ATRNL1: variants seen among roughly 807,000 people sequenced by gnomAD.
ATRNL1 encodes the protein attractin like 1.
ATRNL1 carries 95 observed loss-of-function variants against 182.7 expected under a neutral mutation model. That is an observed-to-expected ratio of 0.52 (90% confidence interval 0.44 to 0.62). ATRNL1 has a LOEUF of 0.62. ATRNL1 is among the 20% of genes least tolerant of loss of function. ATRNL1 has a pLI of 0.00. For missense variants in ATRNL1, 1,471 were observed against 1,679.5 expected (o/e 0.88, Z 2.17); for synonymous variants, 576 against 568.3 (o/e 1.01, Z -0.19).
chr10:115,509,746 A>G (rs1200826967), intron 24 of ATRNL1, among the ~76,000 whole-genome samples: 2 of 151,980 alleles, frequency 1.3e-5, no homozygotes, highest in African/African-American at 4.8e-5. Context: ...TACAATAACC[A>G]TTTGGCAGCC....
chr10:115,223,929 A>ATATATATTTTTTTTTTTT (rs1420143943), intron 9 of ATRNL1, among the ~76,000 whole-genome samples: 7 of 44,730 alleles, frequency 1.6e-4, no homozygotes, highest in African/African-American at 2.8e-4. Context: ...ATATATATAT[A>ATATATATTTTTTTTTTTT]TTTTTTTTTT....
intron 25 of ATRNL1, among the ~76,000 whole-genome samples, chr10:115,545,372 A>G (rs544607905): frequency 5.3e-5 from 8 of 152,222 alleles, no homozygotes; most frequent in African/African-American, 1.7e-4. Flanking sequence ...TATTTTAAAA[A>G]TATTTTCTTA....
At chr10:115,673,409 A>C (rs782270202) in intron 26 of ATRNL1, among the ~76,000 whole-genome samples, 1 of 152,086 alleles carries the variant, frequency 6.6e-6, no homozygotes, top group African/African-American at 2.4e-5. Flanking sequence ...AAGCAACTAC[A>C]GTAAGAGCTG....
At chr10:115,511,783 C>T (rs1295898335) in intron 24 of ATRNL1, among the ~76,000 whole-genome samples, 1 of 151,722 alleles carries the variant, frequency 6.6e-6, no homozygotes, top group East Asian at 1.9e-4. Context: ...AGATTTTGGA[C>T]ATGTTTTCAG....
intron 18 of ATRNL1, among the ~76,000 whole-genome samples, chr10:115,326,064 A>G (rs1224517901): frequency 6.6e-6 from 1 of 151,988 alleles, no homozygotes; most frequent in East Asian, 1.9e-4. Context: ...TAAATTTTCT[A>G]TGAAACAGTA....
At chr10:115,555,413 A>T (rs1468306112) in intron 26 of ATRNL1, among the ~76,000 whole-genome samples, 2 of 151,904 alleles carry the variant, frequency 1.3e-5, no homozygotes, top group Non-Finnish European at 2.9e-5. Flanking sequence ...AGACACTTAC[A>T]GAGAGATTTT....
chr10:115,476,425 A>G (rs967952133), intron 24 of ATRNL1, among the ~76,000 whole-genome samples: 18 of 151,314 alleles, frequency 1.2e-4, no homozygotes, highest in Admixed American at 4.0e-4. Flanking sequence ...TTCTTATTCA[A>G]TGTCTGAGAT....
chr10:115,737,355 G>GA (rs1395932525), intron 27 of ATRNL1, among the ~76,000 whole-genome samples: 1 of 151,186 alleles, frequency 6.6e-6, no homozygotes, highest in Non-Finnish European at 1.5e-5. Flanking sequence ...AGAAGTGCAT[G>GA]AGCCCGGGAG....
chr10:115,700,060 G>A (rs1418895751), intron 26 of ATRNL1, among the ~76,000 whole-genome samples: 1 of 152,150 alleles, frequency 6.6e-6, no homozygotes, highest in Non-Finnish European at 1.5e-5. Context: ...TGGTGTATAT[G>A]TACCACATTT....
At chr10:115,730,474 A>G (rs964414354) in intron 27 of ATRNL1, among the ~76,000 whole-genome samples, 5 of 151,396 alleles carry the variant, frequency 3.3e-5, no homozygotes, top group South Asian at 2.1e-4. Context: ...AATGATCTCC[A>G]TTTTCTTTTT....
chr10:115,725,697 T>C (rs994964795), intron 26 of ATRNL1, among the ~76,000 whole-genome samples: 1 of 151,808 alleles, frequency 6.6e-6, no homozygotes, highest in East Asian at 1.9e-4. Context: ...GTGTGTGTTT[T>C]TACCAAAGAC....
chr10:115,639,098 A>G (rs1859070629), intron 26 of ATRNL1, among the ~76,000 whole-genome samples: 1 of 152,194 alleles, frequency 6.6e-6, no homozygotes, highest in Non-Finnish European at 1.5e-5. Context: ...ACCAAAATAC[A>G]TCATAATTAA....
chr10:115,713,434 G>A (rs1281258513), intron 26 of ATRNL1, among the ~76,000 whole-genome samples: 4 of 49,602 alleles, frequency 8.1e-5, no homozygotes, highest in African/African-American at 2.1e-4. Flanking sequence ...CAAGGAAGAG[G>A]GAAAGTGGCT....
chr10:115,200,184 G>T (rs1259335105), intron 8 of ATRNL1, among the ~76,000 whole-genome samples: 1 of 151,342 alleles, frequency 6.6e-6, no homozygotes, highest in Non-Finnish European at 1.5e-5. Flanking sequence ...TTTGGAGTTA[G>T]CTGCAGATTT....
At chr10:115,706,289 T>C (rs1946895270) in intron 26 of ATRNL1, among the ~76,000 whole-genome samples, 1 of 151,872 alleles carries the variant, frequency 6.6e-6, no homozygotes, top group Non-Finnish European at 1.5e-5. Flanking sequence ...TCACATTAGC[T>C]TGACTTCTTC....
chr10:115,535,460 A>G (rs1471700938), intron 25 of ATRNL1, among the ~76,000 whole-genome samples: 1 of 149,504 alleles, frequency 6.7e-6, no homozygotes, highest in Non-Finnish European at 1.5e-5. Flanking sequence ...CAGCTCCATC[A>G]GCTCCTTTAA....
intron 1 of ATRNL1, among the ~76,000 whole-genome samples, chr10:115,099,422 C>T (rs782190535): frequency 6.6e-6 from 1 of 152,178 alleles, no homozygotes; most frequent in Non-Finnish European, 1.5e-5. Context: ...TTTGTATGGT[C>T]ATATGCTTTC....
intron 27 of ATRNL1, among the ~76,000 whole-genome samples, chr10:115,787,442 T>G (rs1949423756): frequency 6.6e-6 from 1 of 152,146 alleles, no homozygotes; most frequent in South Asian, 2.1e-4. Flanking sequence ...GATATGTCTA[T>G]TTTATCATTT....
At chr10:115,717,786 C>T (rs781903553) in intron 26 of ATRNL1, among the ~76,000 whole-genome samples, 19 of 151,948 alleles carry the variant, frequency 1.3e-4, no homozygotes, top group Non-Finnish European at 2.6e-4. Flanking sequence ...CATCTCTTGA[C>T]CTCGTGATCC....
Sources: allele counts gnomAD v4.1 joint callset (sites outside exome capture counted in the v4.1 genomes callset), GRCh38; gene constraint gnomAD v4.1.1; transcripts MANE v1.5; gene names NCBI Gene and HGNC (gene_info 2026-07-23, HGNC 2026-07-21).